HEATR6: variants seen among roughly 807,000 people sequenced by gnomAD.
HEATR6 encodes the protein HEAT repeat-containing protein 6.
A neutral mutation model predicts 132.8 loss-of-function variants in HEATR6; 106 were observed. The ratio of observed to expected loss-of-function variants is 0.80; its 90% confidence interval spans 0.68 to 0.94. The LOEUF (loss-of-function observed/expected upper bound fraction) is 0.94, where lower values mean the gene tolerates loss of function less well. Ranked by LOEUF, HEATR6 falls within the 40% of genes least tolerant of loss-of-function variation. The pLI is 0.00. For missense variants in HEATR6, 1,339 were observed against 1,425.1 expected (o/e 0.94, Z 0.97); for synonymous variants, 529 against 537.8 (o/e 0.98, Z 0.23).
At chr17:60,061,372 G>A (rs2083210165) in intron 9 of HEATR6, among the ~76,000 whole-genome samples, 3 of 152,206 alleles carry the variant, frequency 2.0e-5, no homozygotes. Flanking sequence ...TCAGAATTAA[G>A]CATAATCCCC....
chr17:60,067,652 T>C lies in HEATR6; in HGVS notation c.1020A>G (p.Ile340Met), dbSNP rs1257159464. Residue 340 changes from isoleucine (I) to methionine (M), a missense_variant, in exon 8 of 20, where the codon ATA becomes ATG. Coordinates refer to ENST00000184956, the MANE Select transcript of HEATR6 (RefSeq NM_022070.5). ...EEEEKESSGEIEAAPVTGTGR... is the reference protein window; with the variant it reads ...EEEEKESSGEMEAAPVTGTGR... ...CTGTGCCAGTGACTGGGGCTGCCTC[T>C]ATTTCACCACTGGATTCCTTTTCCT... is the stretch of plus-strand genomic sequence containing the variant. 3 of 1,613,294 alleles carry C rather than the reference T, an allele frequency of 1.9e-6. No individual in the cohort carries two copies. The highest frequency in any genetic ancestry group is 2.5e-6 in the Non-Finnish European group (3 of 1,179,712).
At chr17:60,050,778 A>C in intron 15 of HEATR6, 65 bp downstream of exon 15, 2 of 1,587,416 alleles carry the variant, frequency 1.3e-6, no homozygotes, top group Non-Finnish European at 1.7e-6. Flanking sequence ...AAAATGCAAA[A>C]GCATCAAATT....
chr17:60,045,369 C>T (rs1356247950), intron 19 of HEATR6, among the ~76,000 whole-genome samples: 1 of 152,188 alleles, frequency 6.6e-6, no homozygotes, highest in East Asian at 1.9e-4. Flanking sequence ...GAGAGAGATG[C>T]AATAAAGCGA....
chr17:60,059,420 AC>A lies in HEATR6; in HGVS notation c.1723+1del. 1 of 1,595,582 alleles carries A rather than the reference AC, an allele frequency of 6.3e-7. No individual in the cohort carries two copies. Among genetic ancestry groups the A allele is most frequent in the Non-Finnish European group, 8.6e-7 (1 of 1,166,372 alleles). On this transcript the variant is annotated splice_donor_variant, in intron 11 of 19. Coordinates refer to ENST00000184956, the MANE Select transcript of HEATR6 (RefSeq NM_022070.5). ...AGCCATCAGTTTTAAGCCACTACAA[AC>A]CTTTGTGGCGAATATAAGGCTTTAT... is the stretch of plus-strand genomic sequence containing the variant.
In HEATR6 at chr17:60,069,611, G is replaced by A. The variant is rs1226444962; in HGVS notation, c.939+100C>T. On this transcript the variant is annotated intron_variant, in intron 7 of 19. Transcript: ENST00000184956. ...AACCCTAAACTGAAATAAAATTCAA[G>A]GTAGGCTTTTAGGGTAGTAGTGATG... 6.3e-6 allele frequency: 7 copies of A among 1,113,116 alleles called. No individual in the cohort carries two copies. In the Admixed American group the frequency reaches 1.5e-4, roughly 24 times the overall value. 69.0% of individuals were successfully genotyped at this position (1,113,116 alleles called of 1,614,324 possible).
rs2083311093 is a variant in HEATR6, at chr17:60,078,904, A to G, written c.11T>C (p.Val4Ala). The G allele has an allele frequency of 9.9e-7, 1 of 1,005,542 alleles. No individual in the cohort carries two copies. Among genetic ancestry groups the G allele is most frequent in the Non-Finnish European group, 1.4e-6 (1 of 730,860 alleles). The allele number at this position is 1,005,542 out of a possible 1,614,324, so 62.3% of individuals were successfully genotyped here. The change falls in exon 1 of 20, where the codon GTG becomes GCG. Residue 4 changes from valine to alanine, a missense_variant. By Grantham distance (64) the Val-to-Ala change is moderately conservative. Transcript: ENST00000184956. Reference protein sequence around the residue: MAAVQVVGSWPSVQ... With the variant: MAAAQVVGSWPSVQ... ...GGAAGGCCACGAACCGACAACTTGC[A>G]CAGCAGCCATCTTTTCTACGGGCGG...
chr17:60,072,459 G>T, intron 4 of HEATR6, 130 bp from the exon 5 acceptor site: 1 of 461,224 alleles, frequency 2.2e-6, no homozygotes, highest in South Asian at 6.1e-5. Context: ...ACTATGCTAT[G>T]GAAAATTATT....
chr17:60,069,075 T>A (rs2083256665), intron 7 of HEATR6, among the ~76,000 whole-genome samples: 1 of 152,202 alleles, frequency 6.6e-6, no homozygotes, highest in South Asian at 2.1e-4. Flanking sequence ...TGGAAGTGAA[T>A]CCTTGGCCAT....
intron 14 of HEATR6, among the ~76,000 whole-genome samples, chr17:60,054,548 A>G (rs1310837679): frequency 6.6e-6 from 1 of 152,246 alleles, no homozygotes; most frequent in African/African-American, 2.4e-5. Flanking sequence ...TGTGCACTGG[A>G]TGCGGGACAT....
At chr17:60,059,755 A>G in intron 10 of HEATR6, 135 bp downstream of exon 10, 1 of 723,186 alleles carries the variant, frequency 1.4e-6, no homozygotes, top group Non-Finnish European at 2.4e-6. Flanking sequence ...GTAGGTACAG[A>G]CTTCCAAATA....
intron 11 of HEATR6, among the ~76,000 whole-genome samples, chr17:60,058,860 AAAAG>A (rs1292196031): frequency 6.6e-6 from 1 of 152,228 alleles, no homozygotes; most frequent in African/African-American, 2.4e-5. Flanking sequence ...GCTTGCAAAC[AAAAG>A]AAAGGCAAAT....
At position 60,067,648 on chromosome 17, in the gene HEATR6, C is replaced by T; in HGVS notation, c.1024G>A (p.Ala342Thr). 1 of 1,612,960 alleles carries T rather than the reference C, an allele frequency of 6.2e-7. No homozygotes were observed. Among genetic ancestry groups the T allele is most frequent in the African/African-American group, 1.3e-5 (1 of 74,964 alleles). ...CTGCCTGTGCCAGTGACTGGGGCTG[C>T]CTCTATTTCACCACTGGATTCCTTT... ...EEKESSGEIE[A>T]APVTGTGRVN... The change falls in exon 8 of 20, where the codon GCA (alanine) becomes ACA (threonine). Residue 342 changes from alanine (A) to threonine (T), a missense_variant. Physicochemically the swap from Ala to Thr is moderately conservative, Grantham distance 58. Coordinates refer to ENST00000184956, the MANE Select transcript of HEATR6 (RefSeq NM_022070.5).
At chr17:60,058,309 T>C (rs926949864) in intron 11 of HEATR6, among the ~76,000 whole-genome samples, 1 of 152,204 alleles carries the variant, frequency 6.6e-6, no homozygotes, top group Non-Finnish European at 1.5e-5. Flanking sequence ...TTTCTTCATA[T>C]AGATCTTGTA....
intron 9 of HEATR6, among the ~76,000 whole-genome samples, chr17:60,065,517 C>G (rs943476706): frequency 1.3e-5 from 2 of 152,172 alleles, no homozygotes; most frequent in African/African-American, 4.8e-5. Flanking sequence ...AAACAGCAGG[C>G]TATTTTCCTT....
chr17:60,070,650 C>T, intron 6 of HEATR6, 56 bp downstream of exon 6: 1 of 1,009,148 alleles, frequency 9.9e-7, no homozygotes, highest in South Asian at 1.3e-5. Context: ...GTAAAGTGGT[C>T]CTTGTACCAT....
In HEATR6 at chr17:60,043,537, G is replaced by A. The variant is rs749482636; in HGVS notation, c.*26C>T. 3.6e-5 allele frequency: 56 copies of A among 1,571,070 alleles called. No individual in the cohort carries two copies. The Admixed American group carries it at 7.4e-4, about 21-fold the overall frequency. ...CTCAGGTCTTCCTACTGCCGCCTTC[G>A]ACATCTAGAAAGTATGGTGGGATCT... On this transcript the variant is annotated 3_prime_UTR_variant, in exon 20 of 20. Transcript: ENST00000184956.
At chr17:60,047,251 G>T in intron 18 of HEATR6, 58 bp downstream of exon 18, 1 of 1,106,130 alleles carries the variant, frequency 9.0e-7, no homozygotes, top group Non-Finnish European at 1.4e-6. Context: ...CTACCACACT[G>T]CAGCTACAAT....
Position 60,053,928 on chromosome 17 carries a change from G to A in HEATR6, c.2289+1587C>T, listed in dbSNP as rs185896005. 2.6e-5 allele frequency among the ~76,000 whole-genome samples: 4 copies of A among 152,352 alleles called. No homozygotes were observed. In the East Asian group the frequency reaches 7.7e-4, roughly 29 times the overall value. On this transcript the variant is annotated intron_variant, in intron 14 of 19. Transcript: ENST00000184956. ...ACTTGCACCCTGGCCCTGTACTAGA[G>A]AAGGAATCCAAGCTCGGAGCAACCA...
At chr17:60,050,615 C>A (rs1263882282) in intron 15 of HEATR6, among the ~76,000 whole-genome samples, 3 of 152,184 alleles carry the variant, frequency 2.0e-5, no homozygotes, top group African/African-American at 7.2e-5. Flanking sequence ...TCTACCCTTG[C>A]CTCTACCACC....
Sources: allele counts gnomAD v4.1 joint callset (sites outside exome capture counted in the v4.1 genomes callset), GRCh38; gene constraint gnomAD v4.1.1; transcripts MANE v1.5; gene names NCBI Gene and HGNC (gene_info 2026-07-23, HGNC 2026-07-21).